Variants in LRRC9 observed in about 807,000 individuals in gnomAD.
LRRC9 encodes the protein leucine-rich repeat-containing protein 9.
Under a neutral mutation model 63.2 loss-of-function variants are expected in LRRC9, and 122 were observed. That is an observed-to-expected ratio of 1.93 (90% CI 1.67 to 2.24). The LOEUF (loss-of-function observed/expected upper bound fraction) is 2.24. LRRC9 is among the 30% of genes most tolerant of loss of function. LRRC9 has a pLI of 0.00. For missense variants in LRRC9, 1,071 were observed against 627.7 expected (o/e 1.71, Z -7.55); for synonymous variants, 366 against 213.1 (o/e 1.72, Z -6.25).
intron 4 of LRRC9, among the ~76,000 whole-genome samples, chr14:59,931,289 T>C (rs1889682696): frequency 6.6e-6 from 1 of 152,096 alleles, no homozygotes; most frequent in African/African-American, 2.4e-5. Flanking sequence ...TTGTTATTCT[T>C]TCTTTGAAGG....
intron 12 of LRRC9, chr14:59,969,296 C>T (rs567389634): frequency 6.6e-6 from 1 of 152,162 alleles, no homozygotes; most frequent in East Asian, 1.9e-4. Flanking sequence ...TATTCGCTTC[C>T]TTTTTGTTCC....
chr14:59,924,899 C>CTT (rs767345497), intron 1 of LRRC9, among the ~76,000 whole-genome samples: 3 of 142,726 alleles, frequency 2.1e-5, no homozygotes, highest in Admixed American at 7.0e-5. Context: ...CCCATCCCAG[C>CTT]TTTTTTTTTT....
intron 10 of LRRC9, among the ~76,000 whole-genome samples, chr14:59,963,018 T>C (rs1280008654): frequency 6.6e-6 from 1 of 152,208 alleles, no homozygotes; most frequent in Non-Finnish European, 1.5e-5. Flanking sequence ...CTCTGATCTT[T>C]TATGTATGTT....
intron 12 of LRRC9, among the ~76,000 whole-genome samples, chr14:59,968,044 T>C (rs1037949144): frequency 4.6e-5 from 7 of 152,130 alleles, no homozygotes; most frequent in African/African-American, 9.7e-5. Context: ...AACAGATGAA[T>C]GGATAAACAA....
At position 59,923,215 on chromosome 14, in the gene LRRC9, G is replaced by C. The variant is rs1191474422; in HGVS notation, c.-34+3332G>C. 6.6e-6 allele frequency among the ~76,000 whole-genome samples: 1 copy of C among 152,168 alleles called. No individual in the cohort carries two copies. The highest frequency in any genetic ancestry group is 2.4e-5 in the African/African-American group (1 of 41,430). On this transcript the variant is annotated intron_variant, in intron 1 of 31. Coordinates refer to ENST00000445360, the Ensembl canonical transcript of LRRC9. The surrounding 1 kb of genome is among the most constrained non-coding windows in gnomAD (Gnocchi z 4.2). Reference sequence around the variant, plus strand: ...TACCAGGAAGGCCTAGCATCCTTGTGATTCAGAAATAGTTATACAACTTAT... The same window carrying C: ...TACCAGGAAGGCCTAGCATCCTTGTCATTCAGAAATAGTTATACAACTTAT...
chr14:59,983,352 C>G (rs572635106), intron 16 of LRRC9, among the ~76,000 whole-genome samples: 1 of 152,298 alleles, frequency 6.6e-6, no homozygotes, highest in South Asian at 2.1e-4. Context: ...AATCTTCTGG[C>G]TGACAGTACT....
rs532955763 is a variant in LRRC9, at chr14:60,029,895, A to G, written c.3921+1794A>G. 2.6e-5 allele frequency among the ~76,000 whole-genome samples: 4 copies of G among 152,200 alleles called. No individual in the cohort carries two copies. The East Asian group carries it at 5.8e-4, about 22-fold the overall frequency. On this transcript the variant is annotated intron_variant, in intron 28 of 31. Transcript: ENST00000445360. The stretch of plus-strand genomic sequence containing the variant: ...ATTTAGATTGATCATTTTGCCATTA[A>G]GCTTATTCTAACCATTAATATTATA...
intron 17 of LRRC9, among the ~76,000 whole-genome samples, chr14:59,992,771 A>G (rs1419132860): frequency 6.6e-6 from 1 of 152,246 alleles, no homozygotes; most frequent in African/African-American, 2.4e-5. Flanking sequence ...AAGAATAAAA[A>G]GAAATGAACA....
Position 59,923,159 on chromosome 14 carries a change from G to T in LRRC9, c.-34+3276G>T. On this transcript the variant is annotated intron_variant, in intron 1 of 31. Transcript: ENST00000445360. This position sits in a 1 kb window ranked among gnomAD's most constrained non-coding sequence, Gnocchi z 4.2. ...TCATCTGGAACCCTTGAGTCCATTT[G>T]TGACTGGAGAAAACATACAAGACTT... Among the ~76,000 whole-genome samples, 1 of 152,212 alleles carries T rather than the reference G, an allele frequency of 6.6e-6. No homozygotes were observed. Among genetic ancestry groups the T allele is most frequent in the East Asian group, 1.9e-4 (1 of 5,198 alleles).
In LRRC9 at chr14:59,942,631, G is replaced by A. The variant is rs993486926; in HGVS notation, c.727-1958G>A. Among the ~76,000 whole-genome samples the A allele has an allele frequency of 2.6e-5, 4 of 152,172 alleles. No homozygotes were observed. Among genetic ancestry groups the A allele is most frequent in the Non-Finnish European group, 5.9e-5 (4 of 68,018 alleles). The stretch of plus-strand genomic sequence containing the variant: ...TAATACCAGCTACTCAGGAGGCTGA[G>A]GCAGGAGAATCACTTGAACCCAGAA... On this transcript the variant is annotated intron_variant, in intron 7 of 31. Transcript: ENST00000445360. The surrounding 1 kb of genome is among the most constrained non-coding windows in gnomAD (Gnocchi z 5.3).
chr14:59,975,113 GTA>G (rs749565284), intron 13 of LRRC9, among the ~76,000 whole-genome samples: 753 of 13,368 alleles, frequency 0.056, 72 homozygotes, highest in Non-Finnish European at 0.15. Context: ...ATATATATAT[GTA>G]TATATATATA....
chr14:60,036,784 A>G (rs1892473192), intron 29 of LRRC9, among the ~76,000 whole-genome samples: 1 of 151,492 alleles, frequency 6.6e-6, no homozygotes, highest in African/African-American at 2.4e-5. Flanking sequence ...TTATATATAT[A>G]CTTTAAGTTC....
Position 59,966,603 on chromosome 14 carries a change from A to G in LRRC9, c.1226A>G (p.Tyr409Cys), listed in dbSNP as rs1369792054. 3 of 672,794 alleles carry G rather than the reference A, an allele frequency of 4.5e-6. No individual in the cohort carries two copies. The highest frequency in any genetic ancestry group is 2.7e-5 in the East Asian group (1 of 37,044). 41.7% of individuals were successfully genotyped at this position (672,794 alleles called of 1,614,324 possible). A position where few individuals can be genotyped will look rare whatever the true frequency, so the allele number is the denominator to read the frequency against. ...TTCCCACATAGGTTTAATTTCTGCTATGAATTAATTCTGTCACGTTTTTGT... is the reference window on the plus strand; with the variant it reads ...TTCCCACATAGGTTTAATTTCTGCTGTGAATTAATTCTGTCACGTTTTTGT... Residue 409 changes from tyrosine to cysteine, a missense_variant, in exon 11 of 32, where the codon TAT becomes TGT. By Grantham distance (194) the Tyr-to-Cys change is radical. Transcript: ENST00000445360. The surrounding 1 kb of genome is among the most constrained non-coding windows in gnomAD (Gnocchi z 4.0).
chr14:59,974,788 A>G, intron 13 of LRRC9, 80 bp downstream of exon 13: 1 of 523,320 alleles, frequency 1.9e-6, no homozygotes, highest in Non-Finnish European at 3.3e-6. Flanking sequence ...CGTTTCTGAT[A>G]CTTGGTTTTA....
intron 16 of LRRC9, 41 bp downstream of exon 16, chr14:59,982,101 G>A: frequency 1.5e-6 from 1 of 664,846 alleles, no homozygotes; most frequent in Non-Finnish European, 2.7e-6. Flanking sequence ...CAGGAATCTT[G>A]AATTTGGAAT....
chr14:60,031,327 G>A lies in LRRC9; in HGVS notation c.3922-668G>A, dbSNP rs1891974739. Among the ~76,000 whole-genome samples the A allele has an allele frequency of 6.6e-6, 1 of 152,050 alleles. No individual in the cohort carries two copies. Among genetic ancestry groups the A allele is most frequent in the Non-Finnish European group, 1.5e-5 (1 of 67,946 alleles). On this transcript the variant is annotated intron_variant, in intron 28 of 31. Transcript: ENST00000445360. This position sits in a 1 kb window ranked among gnomAD's most constrained non-coding sequence, Gnocchi z 4.6. Reference sequence around the variant, plus strand: ...TAATTCCACAAAGGAATACAGGCATGTCAATAACTTTGTTGTGTTATATGA... The same window carrying A: ...TAATTCCACAAAGGAATACAGGCATATCAATAACTTTGTTGTGTTATATGA...
intron 8 of LRRC9, among the ~76,000 whole-genome samples, chr14:59,949,160 A>G (rs1882811025): frequency 1.4e-5 from 2 of 143,610 alleles, no homozygotes; most frequent in East Asian, 2.1e-4. Context: ...TGGTTGGTAA[A>G]CTATTGATTA....
At chr14:60,006,989 A>T (rs1889861329) in intron 22 of LRRC9, among the ~76,000 whole-genome samples, 1 of 152,100 alleles carries the variant, frequency 6.6e-6, no homozygotes, top group Non-Finnish European at 1.5e-5. Context: ...CCCCCAAAAA[A>T]CCACTAATTT....
chr14:59,974,406 T>C (rs1426647709), intron 12 of LRRC9, among the ~76,000 whole-genome samples, 170 bp from the exon 13 acceptor site: 2 of 152,146 alleles, frequency 1.3e-5, no homozygotes, highest in South Asian at 2.1e-4. Flanking sequence ...GATAAATAAA[T>C]GGTTTTGCCA....
Sources: gnomAD v4.1 joint callset for allele counts (sites outside exome capture counted in the v4.1 genomes callset) on GRCh38, gnomAD v4.1.1 for gene constraint, Gnocchi (gnomAD v3.1) non-coding constraint, MANE v1.5 for transcripts, NCBI Gene and HGNC (gene_info 2026-07-23, HGNC 2026-07-21) for gene names.